Variants in PIK3C2A observed in about 807,000 individuals in gnomAD.
The protein encoded by PIK3C2A is phosphatidylinositol-4-phosphate 3-kinase catalytic subunit type 2 alpha.
In PIK3C2A, 97 loss-of-function variants were observed where a neutral mutation model predicts 204.5. That is an observed-to-expected ratio of 0.47 (90% CI 0.40 to 0.56). PIK3C2A has a LOEUF of 0.56. Ranked by LOEUF, PIK3C2A falls within the 20% of genes least tolerant of loss-of-function variation. PIK3C2A has a pLI of 0.00. For synonymous variants in PIK3C2A, 653 were observed against 664.4 expected, an observed-to-expected ratio of 0.98 and a Z score of 0.26; for missense variants, 1,735 against 1,969.2, an observed-to-expected ratio of 0.88 and a Z score of 2.25.
At chr11:17,100,249 C>T (rs11024156) in intron 25 of PIK3C2A, among the ~76,000 whole-genome samples, 9 of 46,492 alleles carry the variant, frequency 1.9e-4, no homozygotes, top group African/African-American at 6.6e-4. Flanking sequence ...TTTTTGGGGG[C>T]GGGGGGGGGG....
intron 21 of PIK3C2A, among the ~76,000 whole-genome samples, chr11:17,110,948 C>T (rs1848983530): frequency 6.6e-6 from 1 of 152,090 alleles, no homozygotes; most frequent in South Asian, 2.1e-4. Context: ...TGCTCTATCA[C>T]CCAGGCTGGA....
intron 24 of PIK3C2A, among the ~76,000 whole-genome samples, chr11:17,102,141 T>C (rs1482261037): frequency 6.6e-6 from 1 of 152,092 alleles, no homozygotes; most frequent in Non-Finnish European, 1.5e-5. Context: ...CCTTAATTCA[T>C]TTCAACAAAG....
At chr11:17,189,618 C>A (rs900079943) in intron 1 of PIK3C2A, among the ~76,000 whole-genome samples, 2 of 128,192 alleles carry the variant, frequency 1.6e-5, no homozygotes, top group African/African-American at 9.1e-5. Context: ...GGCGTGTGAC[C>A]ATCACTACTA....
intron 1 of PIK3C2A, among the ~76,000 whole-genome samples, chr11:17,173,381 T>C (rs1851239697): frequency 6.6e-6 from 1 of 152,222 alleles, no homozygotes; most frequent in African/African-American, 2.4e-5. Context: ...AAAGCTTTTC[T>C]TTGAGCTTAC....
At chr11:17,127,873 A>C (rs1300348950) in intron 13 of PIK3C2A, among the ~76,000 whole-genome samples, 2 of 152,334 alleles carry the variant, frequency 1.3e-5, no homozygotes, top group East Asian at 1.9e-4. Context: ...AGAACAACAA[A>C]AAAGTGTCAT....
chr11:17,174,759 T>C (rs1376955174), intron 1 of PIK3C2A, among the ~76,000 whole-genome samples: 1 of 151,670 alleles, frequency 6.6e-6, no homozygotes, highest in Admixed American at 6.6e-5. Flanking sequence ...TTTAGCTGGG[T>C]GTGGTGGCAC....
chr11:17,124,052 T>C (rs1304742497), intron 13 of PIK3C2A, among the ~76,000 whole-genome samples: 1 of 151,972 alleles, frequency 6.6e-6, no homozygotes, highest in Admixed American at 6.6e-5. Context: ...TATATATATA[T>C]GGGGATGGGC....
At chr11:17,207,335 T>C (rs1852616902) in intron 1 of PIK3C2A, among the ~76,000 whole-genome samples, 1 of 149,544 alleles carries the variant, frequency 6.7e-6, no homozygotes, top group Non-Finnish European at 1.5e-5. Context: ...GAGTGGGGGG[T>C]CCGGGAAGAA....
Position 17,089,823 on chromosome 11 carries a change from C to T in PIK3C2A, c.4976G>A (p.Gly1659Asp), listed in dbSNP as rs1848249712. 1 of 1,613,792 alleles carries T rather than the reference C, an allele frequency of 6.2e-7. No individual in the cohort carries two copies. ...AESLRENFFL[G>D]GVTLPLKDFN... ...ATCTTTCAAAGGCAGGGTTACTCCA[C>T]CCAAGAAAAAATTCTCCCGCAGAGA... Residue 1659 changes from glycine to aspartate, a missense_variant, in exon 33 of 33, where the codon GGT becomes GAT. Around this residue, in one of 6 missense-constraint regions of PIK3C2A, gnomAD observed 503 missense variants for 669.0 expected, o/e 0.75. Coordinates refer to ENST00000691414, the MANE Select transcript of PIK3C2A (RefSeq NM_002645.4).
chr11:17,156,761 G>GA (rs1208824269), intron 2 of PIK3C2A, among the ~76,000 whole-genome samples: 7 of 152,056 alleles, frequency 4.6e-5, no homozygotes, highest in Admixed American at 3.3e-4. Context: ...CACATTTGGA[G>GA]AAAAAAATAA....
intron 26 of PIK3C2A, among the ~76,000 whole-genome samples, chr11:17,098,386 C>A (rs1030932440): frequency 6.6e-6 from 1 of 152,232 alleles, no homozygotes; most frequent in East Asian, 1.9e-4. Context: ...CATGTGAGGA[C>A]ACACTGTGAA....
intron 21 of PIK3C2A, among the ~76,000 whole-genome samples, chr11:17,111,110 G>A (rs1415561906): frequency 2.0e-5 from 3 of 151,978 alleles, no homozygotes; most frequent in Admixed American, 6.6e-5. Context: ...GTTTCACCAC[G>A]TTGGCCAGGC....
At chr11:17,176,918 C>T (rs1851358278) in intron 1 of PIK3C2A, among the ~76,000 whole-genome samples, 1 of 152,106 alleles carries the variant, frequency 6.6e-6, no homozygotes, top group Non-Finnish European at 1.5e-5. Flanking sequence ...ATACTATATG[C>T]CAAACATTGC....
At chr11:17,170,188 C>T (rs1489249812) in intron 1 of PIK3C2A, among the ~76,000 whole-genome samples, 1 of 152,144 alleles carries the variant, frequency 6.6e-6, no homozygotes, top group East Asian at 1.9e-4. Context: ...ACAGGGTTTA[C>T]CAATATGCAG....
intron 26 of PIK3C2A, 35 bp from the exon 27 acceptor site, chr11:17,097,299 T>C (rs1235042135): frequency 7.9e-7 from 1 of 1,261,046 alleles, no homozygotes. Context: ...TAACAGTAAA[T>C]GAGAACACAT....
At chr11:17,144,992 G>T (rs1297902086) in intron 8 of PIK3C2A, among the ~76,000 whole-genome samples, 1 of 150,328 alleles carries the variant, frequency 6.7e-6, no homozygotes, top group African/African-American at 2.4e-5. Flanking sequence ...CTTTGTTTTG[G>T]CCAATCTCTC....
intron 1 of PIK3C2A, chr11:17,193,886 A>G (rs1461776361): frequency 5.6e-5 from 11 of 197,630 alleles, no homozygotes; most frequent in African/African-American, 1.4e-4. Context: ...AGAAAAGAAA[A>G]GAAAAGAAAA....
At chr11:17,100,263 A>AGGGGGG (rs1848587928) in intron 25 of PIK3C2A, among the ~76,000 whole-genome samples, 3 of 42,910 alleles carry the variant, frequency 7.0e-5, no homozygotes, top group Non-Finnish European at 1.4e-4. Flanking sequence ...GGGGGGGGGC[A>AGGGGGG]GGGAGCCGGG....
chr11:17,128,178 T>G (rs959342366), intron 13 of PIK3C2A, among the ~76,000 whole-genome samples: 1 of 151,760 alleles, frequency 6.6e-6, no homozygotes, highest in African/African-American at 2.4e-5. Context: ...TATATTGCCA[T>G]AAGACCCAGT....
Sources: allele counts gnomAD v4.1 joint callset (sites outside exome capture counted in the v4.1 genomes callset), GRCh38; gene constraint gnomAD v4.1.1; regional missense constraint gnomAD v4.1.1; transcripts MANE v1.5; gene names NCBI Gene and HGNC (gene_info 2026-07-23, HGNC 2026-07-21).